The following TCEA1 variants were observed in gnomAD, a reference collection of about 807,000 sequenced individuals.
TCEA1 encodes transcription elongation factor A protein 1.
A neutral mutation model predicts 43.8 loss-of-function variants in TCEA1; 21 were observed. The ratio of observed to expected loss-of-function variants is 0.48; its 90% CI spans 0.34 to 0.69. The LOEUF is 0.69. Among genes scored for constraint, TCEA1 ranks in the 30% least tolerant of loss-of-function variants. The pLI, the probability that TCEA1 is intolerant of heterozygous loss-of-function variation, is 0.01. For missense variants in TCEA1, 250 were observed against 365.1 expected (o/e 0.68, Z 2.57); for synonymous variants, 104 against 117.5 (o/e 0.88, Z 0.75).
At chr8:54,010,533 T>C (rs1586034074) in intron 1 of TCEA1, 41 bp from the exon 2 acceptor site, 12 of 1,480,236 alleles carry the variant, frequency 8.1e-6, no homozygotes, top group Non-Finnish European at 1.1e-5. Context: ...CCCAAGATGG[T>C]AAAACAGGGA....
intron 3 of TCEA1, among the ~76,000 whole-genome samples, chr8:53,995,905 T>C (rs1804038401): frequency 6.6e-6 from 1 of 152,218 alleles, no homozygotes; most frequent in South Asian, 2.1e-4. Flanking sequence ...AACACGCACA[T>C]ACACTTTAGT....
intron 8 of TCEA1, chr8:53,972,497 T>C (rs1803187296): frequency 1.9e-6 from 1 of 533,838 alleles, no homozygotes; most frequent in Non-Finnish European, 3.8e-6. Flanking sequence ...CTGATGACAT[T>C]ACACATTAAT....
chr8:53,970,133 T>C (rs958473857), intron 9 of TCEA1: 2 of 453,794 alleles, frequency 4.4e-6, no homozygotes, highest in Admixed American at 7.8e-5. Flanking sequence ...GACAGTGATA[T>C]AATAATTGAA....
At chr8:53,983,605 T>C (rs1018014025) in intron 7 of TCEA1, among the ~76,000 whole-genome samples, 13 of 151,748 alleles carry the variant, frequency 8.6e-5, no homozygotes, top group Non-Finnish European at 1.6e-4. Flanking sequence ...GAGGCAGAGG[T>C]TGCAGTGAGC....
At chr8:53,981,450 C>T (rs931912174) in intron 7 of TCEA1, among the ~76,000 whole-genome samples, 6 of 152,196 alleles carry the variant, frequency 3.9e-5, no homozygotes, top group Admixed American at 3.3e-4. Flanking sequence ...GAAAATCTTA[C>T]AGCCCTTAAG....
intron 7 of TCEA1, among the ~76,000 whole-genome samples, chr8:53,980,291 T>C (rs1372677685): frequency 6.6e-6 from 1 of 152,232 alleles, no homozygotes; most frequent in Non-Finnish European, 1.5e-5. Flanking sequence ...AGGGTCATCT[T>C]CTCACGCCAG....
At chr8:53,986,155 A>G (rs1803683302) in intron 6 of TCEA1, among the ~76,000 whole-genome samples, 1 of 152,208 alleles carries the variant, frequency 6.6e-6, no homozygotes, top group African/African-American at 2.4e-5. Flanking sequence ...TCTGGCTGGT[A>G]GCAGAAGTAA....
intron 1 of TCEA1, 83 bp from the exon 2 acceptor site, chr8:54,010,575 C>T (rs1349760969): frequency 9.3e-7 from 1 of 1,074,318 alleles, no homozygotes. Context: ...GGGAGAATCA[C>T]AGAAAACAGC....
Position 53,984,534 on chromosome 8 carries a change from G to GA in TCEA1, c.524-18dup. The GA allele has an allele frequency of 1.3e-6, 2 of 1,530,582 alleles. No individual in the cohort carries two copies. The highest frequency in any genetic ancestry group is 2.4e-5 in the Admixed American group (1 of 42,068). The allele number at this position is 1,530,582 out of a possible 1,614,324, so 94.8% of individuals were successfully genotyped here. On this transcript the variant is annotated splice_polypyrimidine_tract_variant and intron_variant, in intron 6 of 9. Transcript: ENST00000521604. ...GATATATAGGTACCAGGCCGTTAAG[G>GA]AAAAAAGGCAAAATTACAAAAGTAA... is the stretch of plus-strand genomic sequence containing the variant.
intron 7 of TCEA1, among the ~76,000 whole-genome samples, chr8:53,980,733 C>G (rs1056016484): frequency 6.6e-6 from 1 of 152,114 alleles, no homozygotes; most frequent in African/African-American, 2.4e-5. Flanking sequence ...AATTAATAAC[C>G]CTACAATGGC....
chr8:54,017,237 C>T (rs1253779035), intron 1 of TCEA1, among the ~76,000 whole-genome samples: 1 of 152,088 alleles, frequency 6.6e-6, no homozygotes, highest in Admixed American at 6.6e-5. Flanking sequence ...GTAATAGTTG[C>T]ACAAACCCGT....
In TCEA1 at chr8:53,979,067, G is replaced by A; in HGVS notation, c.783C>T (p.Phe261=). ...AKTGGTQTDL[F]TCGKCKKKNC... ...TCTTCTTTTTACATTTGCCACATGT[G>A]AACAAGTCAGTCTGGGTCCCACCAG... is the stretch of plus-strand genomic sequence containing the variant. The change falls in exon 8 of 10, where the codon TTC becomes TTT. Residue 261 remains phenylalanine (F), a synonymous_variant. Coordinates refer to ENST00000521604, the MANE Select transcript of TCEA1 (RefSeq NM_006756.4). 1 of 1,613,266 alleles carries A rather than the reference G, an allele frequency of 6.2e-7. No homozygotes were observed. Among genetic ancestry groups the A allele is most frequent in the Non-Finnish European group, 8.5e-7 (1 of 1,179,414 alleles).
intron 3 of TCEA1, among the ~76,000 whole-genome samples, chr8:53,995,297 A>G (rs1216236727): frequency 6.8e-6 from 1 of 147,156 alleles, no homozygotes; most frequent in African/African-American, 2.6e-5. Flanking sequence ...TCTGTCTCAA[A>G]AAAAAAAAAA....
Position 53,979,026 on chromosome 8 carries a change from T to C in TCEA1, c.824A>G (p.Gln275Arg). 1.2e-6 allele frequency: 2 copies of C among 1,608,476 alleles called. No individual in the cohort carries two copies. Among genetic ancestry groups the C allele is most frequent in the Non-Finnish European group, 1.7e-6 (2 of 1,176,246 alleles). Residue 275 changes from glutamine to arginine, a missense_variant and splice_region_variant, in exon 8 of 10, where the codon CAG becomes CGG. Physicochemically the swap from Gln to Arg is conservative, Grantham distance 43. This residue lies in a region of TCEA1 where 46 missense variants were observed against 109.8 expected (regional missense o/e 0.42). Coordinates refer to ENST00000521604, the MANE Select transcript of TCEA1 (RefSeq NM_006756.4). ...KCKKKNCTYTQVQTRSADEPM... is the reference protein window; with the variant it reads ...KCKKKNCTYTRVQTRSADEPM... ...AAGAATCTATAAACAATCACAAACC[T>C]GTGTGTAAGTGCAATTCTTCTTTTT...
chr8:53,987,001 T>A lies in TCEA1; in HGVS notation c.491A>T (p.Asp164Val), dbSNP rs769761810. 2 of 1,601,666 alleles carry A rather than the reference T, an allele frequency of 1.2e-6. No individual in the cohort carries two copies. Among genetic ancestry groups the A allele is most frequent in the Non-Finnish European group, 1.7e-6 (2 of 1,174,392 alleles). Residue 164 changes from aspartate to valine, a missense_variant, in exon 6 of 10, where the codon GAT becomes GTT. Physicochemically the swap from Asp to Val is radical, Grantham distance 152. This residue lies in a region of TCEA1 where 147 missense variants were observed against 160.3 expected (regional missense o/e 0.92). Coordinates refer to ENST00000521604, the MANE Select transcript of TCEA1 (RefSeq NM_006756.4). ...TGDDYIAIGA[D>V]EEELGSQIEE... The stretch of plus-strand genomic sequence containing the variant: ...AATTTGAGATCCTAATTCTTCCTCA[T>A]CAGCTCCAATTGCAATGTAGTCATC...
chr8:53,987,130 T>A, intron 5 of TCEA1, 105 bp from the exon 6 acceptor site: 1 of 950,510 alleles, frequency 1.1e-6, no homozygotes, highest in Non-Finnish European at 1.6e-6. Flanking sequence ...CCCATTTGCC[T>A]GACATAAAGA....
chr8:54,010,357 T>C (rs770242261), intron 2 of TCEA1, 73 bp downstream of exon 2: 3 of 1,126,354 alleles, frequency 2.7e-6, no homozygotes, highest in East Asian at 2.6e-5. Context: ...CAAAAACATA[T>C]TGGTACTGAA....
intron 8 of TCEA1, among the ~76,000 whole-genome samples, chr8:53,977,717 T>A (rs898453583): frequency 1.3e-5 from 2 of 151,858 alleles, no homozygotes; most frequent in African/African-American, 2.4e-5. Flanking sequence ...ATAAAAAAAA[T>A]TTTCACATAT....
chr8:53,983,247 A>G (rs181435561), intron 7 of TCEA1, among the ~76,000 whole-genome samples: 7 of 152,304 alleles, frequency 4.6e-5, no homozygotes, highest in African/African-American at 1.7e-4. Context: ...TAGTATAAGC[A>G]TAACTTTTAT....
Sources: allele counts gnomAD v4.1 joint callset (sites outside exome capture counted in the v4.1 genomes callset), GRCh38; gene constraint gnomAD v4.1.1; regional missense constraint gnomAD v4.1.1; transcripts MANE v1.5; gene names NCBI Gene and HGNC (gene_info 2026-07-23, HGNC 2026-07-21).